ADAM29: variants seen among roughly 807,000 people sequenced by gnomAD.
ADAM29 encodes disintegrin and metalloproteinase domain-containing protein 29.
For synonymous variants in ADAM29, 367 were observed against 342.3 expected, an observed-to-expected ratio of 1.07 and a Z score of -0.80; for missense variants, 969 against 1,001.8, an observed-to-expected ratio of 0.97 and a Z score of 0.44.
chr4:174,963,508 A>G (rs2111070624), intron 4 of ADAM29, among the ~76,000 whole-genome samples: 1 of 152,322 alleles, frequency 6.6e-6, no homozygotes, highest in Non-Finnish European at 1.5e-5. Context: ...AAAAGAATGA[A>G]GGGATGCATA....
At chr4:174,938,275 T>C (rs28379763) in intron 4 of ADAM29, among the ~76,000 whole-genome samples, 4,185 of 152,086 alleles carry the variant, frequency 0.028, 186 homozygotes, top group African/African-American at 0.094. Context: ...GTGGAAGATA[T>C]AAAACTACAG....
chr4:174,941,411 A>T (rs1198103232), intron 4 of ADAM29, among the ~76,000 whole-genome samples: 1 of 152,218 alleles, frequency 6.6e-6, no homozygotes, highest in South Asian at 2.1e-4. Context: ...GCTATAAAGA[A>T]GTATGTGAGA....
chr4:174,968,771 CCACA>C (rs36211576), intron 4 of ADAM29, among the ~76,000 whole-genome samples: 4,669 of 148,728 alleles, frequency 0.031, 116 homozygotes, highest in African/African-American at 0.075. Context: ...CACTTTCCGC[CCACA>C]CACACACACA....
At chr4:174,929,523 C>T (rs762513078) in intron 2 of ADAM29, among the ~76,000 whole-genome samples, 3 of 151,994 alleles carry the variant, frequency 2.0e-5, no homozygotes, top group Admixed American at 6.6e-5. Flanking sequence ...CCTGCTGGTG[C>T]GCTTCCCGCC....
chr4:174,953,855 A>G (rs1220391788), intron 4 of ADAM29, among the ~76,000 whole-genome samples: 1 of 152,062 alleles, frequency 6.6e-6, no homozygotes, highest in Admixed American at 6.6e-5. Context: ...GACTATAGGC[A>G]TGCACCACCA....
chr4:174,947,966 A>G (rs1223958851), intron 4 of ADAM29, among the ~76,000 whole-genome samples: 1 of 152,202 alleles, frequency 6.6e-6, no homozygotes, highest in East Asian at 1.9e-4. Context: ...TCTTGCTATT[A>G]ATACATATGA....
chr4:174,926,313 A>C (rs187174340), intron 2 of ADAM29, among the ~76,000 whole-genome samples: 5 of 152,134 alleles, frequency 3.3e-5, no homozygotes, highest in Non-Finnish European at 5.9e-5. Context: ...TCATAAGCAC[A>C]CAAGTTTACT....
intron 4 of ADAM29, among the ~76,000 whole-genome samples, chr4:174,939,875 A>G (rs1162641243): frequency 6.6e-6 from 1 of 152,082 alleles, no homozygotes; most frequent in Non-Finnish European, 1.5e-5. Flanking sequence ...CACAAGACTG[A>G]TCACAAGTCA....
At chr4:174,927,185 T>C (rs1352547264) in intron 2 of ADAM29, among the ~76,000 whole-genome samples, 1 of 152,202 alleles carries the variant, frequency 6.6e-6, no homozygotes, top group Non-Finnish European at 1.5e-5. Context: ...CCATTTGAAC[T>C]ATTTGACAGT....
chr4:174,919,998 A>G (rs1039378740), intron 1 of ADAM29, among the ~76,000 whole-genome samples: 6 of 152,190 alleles, frequency 3.9e-5, no homozygotes, highest in Non-Finnish European at 7.3e-5. Context: ...TTGTTAATCA[A>G]ATCTCTTATC....
intron 1 of ADAM29, among the ~76,000 whole-genome samples, chr4:174,920,401 A>G (rs1397388531): frequency 6.6e-6 from 1 of 152,218 alleles, no homozygotes; most frequent in Non-Finnish European, 1.5e-5. Flanking sequence ...TCATCACTGT[A>G]ATACTTTAAA....
chr4:174,955,058 G>A (rs368685280), intron 4 of ADAM29, among the ~76,000 whole-genome samples: 2 of 149,194 alleles, frequency 1.3e-5, no homozygotes, highest in African/African-American at 5.0e-5. Context: ...CTAATAAAAT[G>A]TATGTTAGTA....
intron 4 of ADAM29, among the ~76,000 whole-genome samples, chr4:174,948,204 T>A (rs1744960799): frequency 6.6e-6 from 1 of 152,208 alleles, no homozygotes; most frequent in Admixed American, 6.5e-5. Flanking sequence ...GCTGGGAAAC[T>A]ACTGCAATCA....
chr4:174,967,478 C>G (rs1350265930), intron 4 of ADAM29, among the ~76,000 whole-genome samples: 1 of 152,050 alleles, frequency 6.6e-6, no homozygotes, highest in African/African-American at 2.4e-5. Flanking sequence ...CAAAGTGGCT[C>G]TCATATATTG....
Position 174,976,095 on chromosome 4 carries a change from T to C in ADAM29, c.570T>C (p.Tyr190=), listed in dbSNP as rs78941066. 5,113 of 1,612,148 alleles carry C rather than the reference T, an allele frequency of 3.2e-3. 135 individuals are homozygous for C. The African/African-American group carries it at 0.054, about 17-fold the overall frequency. The change falls in exon 5 of 5, where the codon TAT becomes TAC. Residue 190 remains tyrosine, a synonymous_variant. Transcript: ENST00000359240. ...ATTCCACTCAGAAGCAAAGTTCTTA[T>C]GTGGGCTGGTGGATCCATTTTAGGA... ...IDNSTQKQSS[Y]VGWWIHFRIV...
intron 3 of ADAM29, among the ~76,000 whole-genome samples, chr4:174,936,547 G>T (rs960652568): frequency 2.6e-5 from 4 of 151,820 alleles, no homozygotes; most frequent in African/African-American, 2.4e-5. Flanking sequence ...ACTTTAAAAA[G>T]TTATTTTATT....
intron 4 of ADAM29, among the ~76,000 whole-genome samples, chr4:174,973,771 C>T (rs895208240): frequency 1.3e-5 from 2 of 152,076 alleles, no homozygotes; most frequent in African/African-American, 2.4e-5. Flanking sequence ...GGCAGAAGGC[C>T]CTTTCTAGGC....
chr4:174,928,119 A>G (rs1031484517), intron 2 of ADAM29, among the ~76,000 whole-genome samples: 2 of 152,158 alleles, frequency 1.3e-5, no homozygotes, highest in African/African-American at 4.8e-5. Context: ...AAGGGTATAC[A>G]AAAACCTTCA....
At chr4:174,958,018 A>T (rs186622350) in intron 4 of ADAM29, among the ~76,000 whole-genome samples, 305 of 151,894 alleles carry the variant, frequency 2.0e-3, no homozygotes, top group African/African-American at 7.1e-3. Flanking sequence ...ATTGTATTGT[A>T]GTCTGAGAAA....
Sources: allele counts gnomAD v4.1 joint callset (sites outside exome capture counted in the v4.1 genomes callset), GRCh38; gene constraint gnomAD v4.1.1; transcripts MANE v1.5; gene names NCBI Gene and HGNC (gene_info 2026-07-23, HGNC 2026-07-21).